TCF4: variants seen among roughly 807,000 people sequenced by gnomAD.
TCF4 encodes the protein SL3-3 enhancer factor 2.
In TCF4, 3 loss-of-function variants were observed where a neutral mutation model predicts 82.1. That is an observed-to-expected ratio of 0.04 (90% CI 0.02 to 0.09). The LOEUF (loss-of-function observed/expected upper bound fraction) is 0.09. Among genes scored for constraint, TCF4 ranks in the 10% least tolerant of loss-of-function variants. The pLI is 1.00. For missense variants in TCF4, 518 were observed against 852.7 expected (o/e 0.61, Z 4.89); for synonymous variants, 276 against 309.6 (o/e 0.89, Z 1.14).
chr18:55,418,734 A>G (rs1368786588), intron 5 of TCF4, among the ~76,000 whole-genome samples: 1 of 152,204 alleles, frequency 6.6e-6, no homozygotes, highest in Non-Finnish European at 1.5e-5. Context: ...TGTCAGCATT[A>G]TATTTTGTCA....
chr18:55,631,240 G>A, intron 2 of TCF4: 1 of 751,344 alleles, frequency 1.3e-6, no homozygotes, highest in Non-Finnish European at 2.2e-6. Context: ...AGTAGAGACA[G>A]GATTTCATCA....
intron 5 of TCF4, among the ~76,000 whole-genome samples, chr18:55,453,488 T>C (rs2095667308): frequency 6.6e-6 from 1 of 152,250 alleles, no homozygotes; most frequent in South Asian, 2.1e-4. Context: ...GGTCAATAAC[T>C]TTCTATGTGA....
chr18:55,634,222 T>C (rs1162274849), intron 1 of TCF4, among the ~76,000 whole-genome samples: 4 of 152,096 alleles, frequency 2.6e-5, no homozygotes, highest in Non-Finnish European at 5.9e-5. Flanking sequence ...TGAGCCAAGA[T>C]TGTGCCACTG....
At chr18:55,557,710 C>T (rs538309974) in intron 3 of TCF4, among the ~76,000 whole-genome samples, 1 of 152,204 alleles carries the variant, frequency 6.6e-6, no homozygotes, top group Admixed American at 6.5e-5. Context: ...GTCTCATCCC[C>T]ATCACACTAT....
intron 8 of TCF4, among the ~76,000 whole-genome samples, chr18:55,307,996 A>C (rs901760834): frequency 7.9e-5 from 12 of 152,246 alleles, no homozygotes; most frequent in Non-Finnish European, 1.6e-4. Flanking sequence ...GTTATCACTG[A>C]AAAGTAATTA....
intron 8 of TCF4, among the ~76,000 whole-genome samples, chr18:55,303,254 C>CCCCT (rs578022919): frequency 1.3e-5 from 2 of 150,000 alleles, no homozygotes; most frequent in South Asian, 2.1e-4. Context: ...CACACACACA[C>CCCCT]ACACACACAC....
intron 10 of TCF4, 85 bp from the exon 11 acceptor site, chr18:55,270,048 C>T: frequency 6.5e-7 from 1 of 1,548,796 alleles, no homozygotes; most frequent in South Asian, 1.1e-5. Context: ...TCACAACTCT[C>T]TATTTTACAA....
chr18:55,507,463 G>T (rs895438183), intron 3 of TCF4, among the ~76,000 whole-genome samples: 2 of 151,924 alleles, frequency 1.3e-5, no homozygotes, highest in African/African-American at 4.8e-5. Flanking sequence ...TAGAACTTAG[G>T]AGTTATTTCT....
At chr18:55,584,851 C>T (rs1193223328) in intron 3 of TCF4, among the ~76,000 whole-genome samples, 1 of 152,082 alleles carries the variant, frequency 6.6e-6, no homozygotes, top group Non-Finnish European at 1.5e-5. Flanking sequence ...ATTAAGTGTT[C>T]ATTTCTTTAA....
intron 5 of TCF4, among the ~76,000 whole-genome samples, chr18:55,427,088 A>T (rs2095022464): frequency 6.6e-6 from 1 of 152,204 alleles, no homozygotes; most frequent in South Asian, 2.1e-4. Context: ...AGGGGGAAAA[A>T]AACTTTAAAA....
At chr18:55,338,144 G>A (rs2079046135) in intron 8 of TCF4, among the ~76,000 whole-genome samples, 1 of 152,130 alleles carries the variant, frequency 6.6e-6, no homozygotes, top group Non-Finnish European at 1.5e-5. Context: ...CTGATGCCAA[G>A]CGGACTACAG....
chr18:55,496,064 T>C (rs1478223166), intron 3 of TCF4: 1 of 152,114 alleles, frequency 6.6e-6, no homozygotes, highest in Admixed American at 6.6e-5. Context: ...GCCACAAGCC[T>C]ACTATACTGT....
At chr18:55,373,028 G>A (rs532683390) in intron 6 of TCF4, among the ~76,000 whole-genome samples, 192 of 152,020 alleles carry the variant, frequency 1.3e-3, no homozygotes, top group African/African-American at 4.3e-3. Flanking sequence ...CAAAGGAAAT[G>A]TGATCAAGCC....
intron 3 of TCF4, among the ~76,000 whole-genome samples, chr18:55,580,781 T>C (rs1453685529): frequency 6.7e-6 from 1 of 149,892 alleles, no homozygotes; most frequent in Non-Finnish European, 1.5e-5. Context: ...TGTGTGTGTA[T>C]AGAACTCAGG....
At chr18:55,268,027 G>A (rs1568567023) in intron 11 of TCF4, 1 of 152,122 alleles carries the variant, frequency 6.6e-6, no homozygotes, top group East Asian at 1.9e-4. Context: ...TTCCCACTGA[G>A]AGCTGTGGCT....
chr18:55,425,476 T>C (rs192977144), intron 5 of TCF4, among the ~76,000 whole-genome samples: 44 of 151,310 alleles, frequency 2.9e-4, no homozygotes, highest in Non-Finnish European at 4.7e-4. Flanking sequence ...ATTTTTATGC[T>C]TAGTCCTTGT....
intron 6 of TCF4, among the ~76,000 whole-genome samples, chr18:55,385,031 C>T (rs535685983): frequency 3.9e-4 from 59 of 152,234 alleles, no homozygotes; most frequent in African/African-American, 1.2e-3. Flanking sequence ...TTCTCCCTCC[C>T]CCTTACCCCC....
At chr18:55,526,509 T>C (rs1414478340) in intron 3 of TCF4, among the ~76,000 whole-genome samples, 1 of 152,140 alleles carries the variant, frequency 6.6e-6, no homozygotes, top group Non-Finnish European at 1.5e-5. Context: ...CCAGTAAAGG[T>C]TACTCTGGCT....
intron 8 of TCF4, among the ~76,000 whole-genome samples, chr18:55,337,898 G>A (rs970622717): frequency 1.3e-5 from 2 of 152,006 alleles, no homozygotes; most frequent in African/African-American, 4.8e-5. Flanking sequence ...AGCTCCTGGA[G>A]CTGGCTCTTG....
Sources: gnomAD v4.1 joint callset for allele counts (sites outside exome capture counted in the v4.1 genomes callset) on GRCh38, gnomAD v4.1.1 for gene constraint, MANE v1.5 for transcripts, NCBI Gene and HGNC (gene_info 2026-07-23, HGNC 2026-07-21) for gene names.